Variants in SDAD1 observed in about 807,000 individuals in gnomAD.
SDAD1 encodes protein SDA1 homolog.
In SDAD1, 79 loss-of-function variants were observed where a neutral mutation model predicts 100.3. The observed-to-expected ratio is 0.79, with a 90% CI of 0.66 to 0.95. SDAD1 has a LOEUF of 0.95. Ranked by LOEUF, SDAD1 falls within the 40% of genes least tolerant of loss-of-function variation. The pLI, the probability that SDAD1 is intolerant of heterozygous loss-of-function variation, is 0.00. For synonymous variants in SDAD1, 267 were observed against 271.4 expected (o/e 0.98, Z 0.16); for missense variants, 790 against 810.9 (o/e 0.97, Z 0.31).
chr4:75,953,755 A>G (rs1478728082), intron 21 of SDAD1, among the ~76,000 whole-genome samples: 5 of 152,220 alleles, frequency 3.3e-5, no homozygotes, highest in African/African-American at 9.6e-5. Context: ...CTGATTCACA[A>G]TATGAGACTG....
chr4:75,968,689 T>G (rs1365649348), intron 11 of SDAD1, among the ~76,000 whole-genome samples: 1 of 152,098 alleles, frequency 6.6e-6, no homozygotes, highest in Non-Finnish European at 1.5e-5. Context: ...TGCATTATAT[T>G]GGCTCAAGAA....
At chr4:75,984,766 CACACACACACAA>C (rs1309166891) in intron 1 of SDAD1, among the ~76,000 whole-genome samples, 5 of 131,872 alleles carry the variant, frequency 3.8e-5, no homozygotes, top group East Asian at 2.4e-4. Flanking sequence ...GTGACATACA[CACACACACACAA>C]ACACACACAC....
chr4:75,981,814 T>G, intron 2 of SDAD1, 119 bp downstream of exon 2: 1 of 830,238 alleles, frequency 1.2e-6, no homozygotes, highest in Middle Eastern at 3.7e-4. Context: ...AAGGGAAAGT[T>G]AGAAAAATAT....
Position 75,981,949 on chromosome 4 carries a change from A to T in SDAD1, c.179T>A (p.Val60Glu). Residue 60 changes from valine to glutamate, a missense_variant, in exon 2 of 22, where the codon GTG (valine) becomes GAG (glutamate). Coordinates refer to ENST00000356260, the MANE Select transcript of SDAD1 (RefSeq NM_018115.4). The stretch of plus-strand genomic sequence containing the variant: ...TATTCTTACCTGTGCCATAAACATC[A>T]CCAGCTCTGCTAGTTCTTTGCTGGG... ...NKPSKELAEL[V>E]MFMAQISHCY... 6.2e-7 allele frequency: 1 copy of T among 1,608,154 alleles called. No homozygotes were observed. Among genetic ancestry groups the T allele is most frequent in the Non-Finnish European group, 8.5e-7 (1 of 1,176,984 alleles).
At chr4:75,973,830 T>C (rs929273434) in intron 7 of SDAD1, among the ~76,000 whole-genome samples, 2 of 152,042 alleles carry the variant, frequency 1.3e-5, no homozygotes, top group African/African-American at 4.8e-5. Context: ...TTGACTCTTT[T>C]AAAGTTCAGA....
chr4:75,956,404 TTTG>T (rs1728895752), intron 20 of SDAD1, among the ~76,000 whole-genome samples: 1 of 81,840 alleles, frequency 1.2e-5, no homozygotes, highest in African/African-American at 3.1e-5. Flanking sequence ...CTGTTTTTTT[TTTG>T]TTTTTTTTTT....
At chr4:75,955,950 C>A in intron 21 of SDAD1, 25 bp downstream of exon 21, 1 of 1,577,272 alleles carries the variant, frequency 6.3e-7, no homozygotes. Flanking sequence ...CTGTTCTTGC[C>A]ACCCAAGCTT....
intron 6 of SDAD1, 33 bp downstream of exon 6, chr4:75,975,711 C>T (rs750782280): frequency 1.4e-6 from 2 of 1,433,320 alleles, no homozygotes; most frequent in South Asian, 2.3e-5. Flanking sequence ...AAAAAAGAGT[C>T]TACTTCTCAA....
chr4:75,964,424 G>A (rs1729423526), intron 13 of SDAD1, among the ~76,000 whole-genome samples: 1 of 152,164 alleles, frequency 6.6e-6, no homozygotes, highest in African/African-American at 2.4e-5. Flanking sequence ...CTAAATCAAA[G>A]AAAGGAATTA....
chr4:75,966,920 C>T (rs753884235), intron 12 of SDAD1, among the ~76,000 whole-genome samples: 2 of 152,096 alleles, frequency 1.3e-5, no homozygotes, highest in Non-Finnish European at 2.9e-5. Flanking sequence ...GTGCCCGACA[C>T]CACATCCGGC....
intron 6 of SDAD1, 45 bp downstream of exon 6, chr4:75,975,699 T>C: frequency 5.3e-6 from 7 of 1,314,808 alleles, no homozygotes; most frequent in Non-Finnish European, 6.5e-6. Flanking sequence ...TAATTACAAA[T>C]GAAAAAAGAG....
intron 2 of SDAD1, chr4:75,981,671 G>T: frequency 1.1e-6 from 1 of 909,712 alleles, no homozygotes; most frequent in Non-Finnish European, 1.7e-6. Flanking sequence ...AATATTTATG[G>T]CATGATTTAG....
chr4:75,978,223 G>A (rs574852190), intron 3 of SDAD1, among the ~76,000 whole-genome samples: 51 of 142,036 alleles, frequency 3.6e-4, no homozygotes, highest in African/African-American at 1.2e-3. Flanking sequence ...GTTGTTGCAT[G>A]CCTGCCCCCC....
At chr4:75,959,932 C>T in intron 17 of SDAD1, 134 bp downstream of exon 17, 3 of 911,266 alleles carry the variant, frequency 3.3e-6, no homozygotes, top group Non-Finnish European at 3.1e-6. Context: ...CCCCATACTT[C>T]TAACAGTGCG....
intron 1 of SDAD1, among the ~76,000 whole-genome samples, chr4:75,984,138 T>C (rs1306497352): frequency 6.6e-6 from 1 of 150,990 alleles, no homozygotes; most frequent in Non-Finnish European, 1.5e-5. Flanking sequence ...TTCTATTCTA[T>C]TGGTCTATGT....
chr4:75,979,456 A>T (rs1578142331), intron 3 of SDAD1, among the ~76,000 whole-genome samples: 2 of 152,138 alleles, frequency 1.3e-5, no homozygotes, highest in East Asian at 3.9e-4. Context: ...CTCCTAGTAA[A>T]GGAAATCTCT....
chr4:75,967,149 G>T, intron 12 of SDAD1, 128 bp downstream of exon 12: 3 of 800,504 alleles, frequency 3.7e-6, no homozygotes, highest in South Asian at 3.7e-5. Context: ...AAGAAAACAA[G>T]GGCTTCTCTT....
At chr4:75,970,205 C>T (rs1413836281) in intron 10 of SDAD1, 104 bp downstream of exon 10, 6 of 893,500 alleles carry the variant, frequency 6.7e-6, no homozygotes, top group African/African-American at 1.7e-5. Context: ...TATTGACTAT[C>T]TACTAAATGC....
At chr4:75,971,591 CTG>C in intron 8 of SDAD1, 133 bp from the exon 9 acceptor site, 1 of 684,832 alleles carries the variant, frequency 1.5e-6, no homozygotes, top group Non-Finnish European at 2.5e-6. Flanking sequence ...TACTTTTAGA[CTG>C]GGCGCAGTGG....
Sources: allele counts gnomAD v4.1 joint callset (sites outside exome capture counted in the v4.1 genomes callset), GRCh38; gene constraint gnomAD v4.1.1; transcripts MANE v1.5; gene names NCBI Gene and HGNC (gene_info 2026-07-23, HGNC 2026-07-21).